Variants in MBOAT2 observed in about 807,000 individuals in gnomAD.
MBOAT2 encodes the protein membrane bound glycerophospholipid O-acyltransferase 2, also known as membrane-bound glycerophospholipid O-acyltransferase 2.
A neutral mutation model predicts 63.4 loss-of-function variants in MBOAT2; 28 were observed. The ratio of observed to expected loss-of-function variants is 0.44; its 90% CI spans 0.33 to 0.61. The LOEUF is 0.61. Among genes scored for constraint, MBOAT2 ranks in the 20% least tolerant of loss-of-function variants. MBOAT2 has a pLI of 0.03. For synonymous variants in MBOAT2, 211 were observed against 215.6 expected (o/e 0.98, Z 0.19); for missense variants, 470 against 605.8 (o/e 0.78, Z 2.35).
chr2:8,975,687 T>C (rs1670763333), intron 1 of MBOAT2, among the ~76,000 whole-genome samples: 1 of 151,988 alleles, frequency 6.6e-6, no homozygotes, highest in East Asian at 1.9e-4. Flanking sequence ...TCTATCAACA[T>C]TCTGTAAACA....
At chr2:8,913,670 A>G (rs930114674) in intron 3 of MBOAT2, among the ~76,000 whole-genome samples, 2 of 152,210 alleles carry the variant, frequency 1.3e-5, no homozygotes, top group Non-Finnish European at 2.9e-5. Context: ...TTAAAAAAAC[A>G]GTAGATACTG....
intron 4 of MBOAT2, among the ~76,000 whole-genome samples, chr2:8,895,385 G>C (rs559425718): frequency 6.6e-6 from 1 of 152,336 alleles, no homozygotes; most frequent in Admixed American, 6.5e-5. Flanking sequence ...ACAGAGTGCT[G>C]ACTGGTGTGT....
chr2:8,907,376 G>A (rs1665413498), intron 4 of MBOAT2, among the ~76,000 whole-genome samples: 1 of 152,158 alleles, frequency 6.6e-6, no homozygotes, highest in Non-Finnish European at 1.5e-5. Flanking sequence ...GACCAATATA[G>A]GTGCAAATTC....
intron 3 of MBOAT2, among the ~76,000 whole-genome samples, chr2:8,911,449 T>C (rs1665700831): frequency 2.0e-5 from 3 of 152,148 alleles, no homozygotes; most frequent in Admixed American, 2.0e-4. Flanking sequence ...ACTCTTTACA[T>C]CAAGAGCTGA....
At chr2:8,958,117 T>C (rs1669355485) in intron 2 of MBOAT2, among the ~76,000 whole-genome samples, 1 of 152,226 alleles carries the variant, frequency 6.6e-6, no homozygotes, top group Non-Finnish European at 1.5e-5. Context: ...ATAGTCTTTA[T>C]CAGGCTCTTA....
At chr2:8,962,968 C>T (rs185507732) in intron 1 of MBOAT2, among the ~76,000 whole-genome samples, 121 of 152,176 alleles carry the variant, frequency 8.0e-4, no homozygotes, top group African/African-American at 2.8e-3. Flanking sequence ...CAGGGCCGAG[C>T]GAGGTGGCTC....
chr2:8,954,773 A>G (rs1277492306), intron 2 of MBOAT2, among the ~76,000 whole-genome samples: 1 of 151,774 alleles, frequency 6.6e-6, no homozygotes, highest in Non-Finnish European at 1.5e-5. Flanking sequence ...AGAGAGCCTC[A>G]CTTCACCATG....
At chr2:8,948,934 C>T (rs547005444) in intron 2 of MBOAT2, among the ~76,000 whole-genome samples, 8 of 152,252 alleles carry the variant, frequency 5.3e-5, no homozygotes, top group Non-Finnish European at 1.0e-4. Flanking sequence ...CCACAATGGC[C>T]GAACTAACTT....
intron 4 of MBOAT2, among the ~76,000 whole-genome samples, chr2:8,900,929 A>T (rs530366635): frequency 2.7e-3 from 412 of 152,260 alleles, no homozygotes; most frequent in African/African-American, 9.6e-3. Flanking sequence ...CCTCTTTTTC[A>T]GGGTTTGTGG....
intron 6 of MBOAT2, among the ~76,000 whole-genome samples, chr2:8,880,871 G>C (rs1426920741): frequency 1.3e-5 from 2 of 152,226 alleles, no homozygotes; most frequent in African/African-American, 4.8e-5. Context: ...GAAAGAATGA[G>C]TTCAGACCAA....
chr2:8,969,091 T>G (rs368898779), intron 1 of MBOAT2, among the ~76,000 whole-genome samples: 2 of 151,948 alleles, frequency 1.3e-5, no homozygotes, highest in African/African-American at 2.4e-5. Flanking sequence ...AAGTTGAAAT[T>G]AAGGAAAAAA....
chr2:8,982,610 C>T (rs900326850), intron 1 of MBOAT2, among the ~76,000 whole-genome samples: 3 of 152,120 alleles, frequency 2.0e-5, no homozygotes, highest in Admixed American at 6.6e-5. Context: ...TGGAGAATTC[C>T]CTCCATCCAT....
intron 4 of MBOAT2, 68 bp downstream of exon 4, chr2:8,908,553 T>C: frequency 2.4e-6 from 2 of 823,240 alleles, no homozygotes; most frequent in Non-Finnish European, 4.0e-6. Flanking sequence ...AATGCAAATA[T>C]ATTTTGTCCT....
chr2:8,913,430 C>T (rs552073872), intron 3 of MBOAT2, among the ~76,000 whole-genome samples: 1 of 151,900 alleles, frequency 6.6e-6, no homozygotes, highest in East Asian at 1.9e-4. Context: ...AATCTATATA[C>T]ATCTAACAAA....
chr2:8,978,971 TACA>T (rs771153113), intron 1 of MBOAT2, among the ~76,000 whole-genome samples: 15 of 152,126 alleles, frequency 9.9e-5, no homozygotes, highest in Non-Finnish European at 1.6e-4. Flanking sequence ...AAACCTTTTT[TACA>T]ACATCAGCAC....
intron 5 of MBOAT2, among the ~76,000 whole-genome samples, chr2:8,887,752 T>C (rs1199083621): frequency 6.6e-6 from 1 of 152,228 alleles, no homozygotes. Context: ...CTTTCCTTTA[T>C]ATGTCAAATT....
chr2:8,918,545 T>C (rs966183250), intron 3 of MBOAT2, among the ~76,000 whole-genome samples: 2 of 152,144 alleles, frequency 1.3e-5, no homozygotes, highest in East Asian at 3.8e-4. Context: ...ACAAACTTTC[T>C]GTTTGTTTAA....
chr2:8,961,219 T>C (rs1427605207), intron 1 of MBOAT2, among the ~76,000 whole-genome samples: 1 of 152,166 alleles, frequency 6.6e-6, no homozygotes, highest in Non-Finnish European at 1.5e-5. Flanking sequence ...AAATATTCTC[T>C]CTCAACCATA....
chr2:8,898,321 C>G (rs924079142), intron 4 of MBOAT2, among the ~76,000 whole-genome samples: 14 of 152,250 alleles, frequency 9.2e-5, no homozygotes, highest in Middle Eastern at 3.4e-3. Context: ...GGCTATCTTG[C>G]TGTATCCGGG....
Sources: gnomAD v4.1 joint callset for allele counts (sites outside exome capture counted in the v4.1 genomes callset) on GRCh38, gnomAD v4.1.1 for gene constraint, MANE v1.5 for transcripts, NCBI Gene and HGNC (gene_info 2026-07-23, HGNC 2026-07-21) for gene names.